COP1: variants seen among roughly 807,000 people sequenced by gnomAD.
COP1 encodes COP1 E3 ubiquitin ligase, also known as E3 ubiquitin-protein ligase COP1.
Under a neutral mutation model 101.3 loss-of-function variants are expected in COP1, and 24 were observed. The ratio of observed to expected loss-of-function variants is 0.24; its 90% CI spans 0.17 to 0.33. The LOEUF is 0.33. Among genes scored for constraint, COP1 ranks in the 10% least tolerant of loss-of-function variants. The pLI, the probability that COP1 is intolerant of heterozygous loss-of-function variation, is 1.00. For missense variants in COP1, 663 were observed against 906.2 expected (o/e 0.73, Z 3.45); for synonymous variants, 347 against 341.9 (o/e 1.01, Z -0.17).
chr1:175,991,405 T>C (rs1571446549), intron 15 of COP1, among the ~76,000 whole-genome samples: 1 of 152,308 alleles, frequency 6.6e-6, no homozygotes, highest in South Asian at 2.1e-4. Context: ...TACACACCCA[T>C]ACAGGGGACT....
rs551424608 is a variant in COP1, at chr1:176,187,001, C to T, written c.408-2309G>A. Among the ~76,000 whole-genome samples the T allele has an allele frequency of 3.9e-5, 6 of 152,238 alleles. No homozygotes were observed. The East Asian group carries it at 9.6e-4, about 24-fold the overall frequency. ...AAAAAGAAAAAGCAGGGGTACAGTA[C>T]GTGTCATGTCACATAATGTGTTCTA... is the stretch of plus-strand genomic sequence containing the variant. On this transcript the variant is annotated intron_variant, in intron 1 of 19. Coordinates refer to ENST00000367669, the MANE Select transcript of COP1 (RefSeq NM_022457.7).
intron 5 of COP1, among the ~76,000 whole-genome samples, chr1:176,157,942 C>G (rs1454911673): frequency 6.6e-6 from 1 of 151,900 alleles, no homozygotes; most frequent in African/African-American, 2.4e-5. Context: ...CTTCAACTAG[C>G]CTAAGAGATA....
intron 6 of COP1, among the ~76,000 whole-genome samples, chr1:176,142,199 G>A (rs1366192134): frequency 1.3e-5 from 2 of 151,804 alleles, no homozygotes; most frequent in Non-Finnish European, 2.9e-5. Context: ...GTAACAGAGA[G>A]AGCAACCACT....
At chr1:176,063,687 G>C (rs908696091) in intron 11 of COP1, among the ~76,000 whole-genome samples, 2 of 152,166 alleles carry the variant, frequency 1.3e-5, no homozygotes, top group Non-Finnish European at 2.9e-5. Context: ...GTATGATATA[G>C]CTAAGTTGCC....
At chr1:176,027,481 CAA>C (rs1667878651) in intron 15 of COP1, 89 bp downstream of exon 15, 6 of 795,838 alleles carry the variant, frequency 7.5e-6, no homozygotes, top group Non-Finnish European at 1.3e-5. Context: ...TTTAAACCTA[CAA>C]AAGAGTTATT....
intron 18 of COP1, among the ~76,000 whole-genome samples, chr1:175,955,600 A>G (rs1650525650): frequency 1.3e-5 from 2 of 152,214 alleles, no homozygotes; most frequent in South Asian, 4.1e-4. Context: ...TACCTTAAAA[A>G]TAAGCCACTA....
At position 176,195,137 on chromosome 1, in the gene COP1, G is replaced by A. The variant is rs536486537; in HGVS notation, c.408-10445C>T. ...GAGAGAAAGAGGGAGAGGAGAGAAAGAGGGAGAGGGAGAAGAGAGGGAAAG... is the reference window on the plus strand; with the variant it reads ...GAGAGAAAGAGGGAGAGGAGAGAAAAAGGGAGAGGGAGAAGAGAGGGAAAG... On this transcript the variant is annotated intron_variant, in intron 1 of 19. Transcript: ENST00000367669. Among the ~76,000 whole-genome samples the A allele has an allele frequency of 1.0e-4, 15 of 147,168 alleles. No individual in the cohort carries two copies. The East Asian group carries it at 3.0e-3, about 30-fold the overall frequency.
At chr1:176,086,666 T>C (rs1034559096) in intron 9 of COP1, among the ~76,000 whole-genome samples, 2 of 152,090 alleles carry the variant, frequency 1.3e-5, no homozygotes, top group African/African-American at 4.8e-5. Context: ...ATCAATATTG[T>C]GAAAATGGCC....
At chr1:176,151,358 AAAG>A (rs1328377416) in intron 5 of COP1, among the ~76,000 whole-genome samples, 51 of 31,382 alleles carry the variant, frequency 1.6e-3, no homozygotes, top group Non-Finnish European at 3.1e-3. Context: ...AAAGAAAAAG[AAAG>A]AAAGAAAGAA....
In COP1 at chr1:176,153,782, G is replaced by A. The variant is rs142185557; in HGVS notation, c.763-4708C>T. Among the ~76,000 whole-genome samples the A allele has an allele frequency of 2.6e-3, 399 of 152,230 alleles. 3 individuals carry two copies. Among genetic ancestry groups the A allele is most frequent in the African/African-American group, 9.2e-3 (381 of 41,534 alleles). On this transcript the variant is annotated intron_variant, in intron 5 of 19. Coordinates refer to ENST00000367669, the MANE Select transcript of COP1 (RefSeq NM_022457.7). ...GTTCCTTCAATACCTAGTTTATTGA[G>A]AGTTTTTAATATGAAGGAGGGCTGA...
chr1:176,138,818 TTTGGG>T, intron 6 of COP1, among the ~76,000 whole-genome samples: 1 of 152,280 alleles, frequency 6.6e-6, no homozygotes, highest in South Asian at 2.1e-4. Context: ...CACTGAGGCC[TTTGGG>T]TTCATGGACA....
intron 15 of COP1, among the ~76,000 whole-genome samples, chr1:175,999,881 T>C (rs572172439): frequency 6.6e-6 from 1 of 152,268 alleles, no homozygotes; most frequent in African/African-American, 2.4e-5. Flanking sequence ...CTTTTACATA[T>C]ACCAGTTTGC....
intron 9 of COP1, among the ~76,000 whole-genome samples, chr1:176,105,296 G>C (rs964940991): frequency 1.3e-5 from 2 of 151,830 alleles, no homozygotes; most frequent in Non-Finnish European, 2.9e-5. Flanking sequence ...TGGAAAGTGG[G>C]GTGAAATACA....
rs1260395152 is a variant in COP1, at chr1:176,165,856, G to C, written c.566-1965C>G. 1.1e-4 allele frequency among the ~76,000 whole-genome samples: 17 copies of C among 152,248 alleles called. No homozygotes were observed. The East Asian group carries it at 3.3e-3, about 29-fold the overall frequency. On this transcript the variant is annotated intron_variant, in intron 3 of 19. Transcript: ENST00000367669. Reference sequence around the variant, plus strand: ...ACTGCAGATACCTTACACAAGAAAAGTGATTATAATCCAGATAAAGGAGAG... The same window carrying C: ...ACTGCAGATACCTTACACAAGAAAACTGATTATAATCCAGATAAAGGAGAG...
At chr1:175,998,063 T>TAAA (rs57110017) in intron 15 of COP1, among the ~76,000 whole-genome samples, 20 of 66,820 alleles carry the variant, frequency 3.0e-4, no homozygotes, top group African/African-American at 5.5e-4. Context: ...AGAGTATAAT[T>TAAA]AAAAAAAAAA....
chr1:176,055,960 T>C (rs1003554209), intron 11 of COP1, among the ~76,000 whole-genome samples: 7 of 152,184 alleles, frequency 4.6e-5, no homozygotes, highest in African/African-American at 1.7e-4. Context: ...TTGAGTAGGT[T>C]AATTCCTTTA....
intron 18 of COP1, among the ~76,000 whole-genome samples, chr1:175,963,188 G>C (rs1310058761): frequency 6.6e-6 from 1 of 151,962 alleles, no homozygotes; most frequent in East Asian, 1.9e-4. Flanking sequence ...ATACTCTCAT[G>C]GGATTATCTT....
At chr1:176,163,512 C>T (rs1283832340) in intron 4 of COP1, among the ~76,000 whole-genome samples, 1 of 152,180 alleles carries the variant, frequency 6.6e-6, no homozygotes, top group Non-Finnish European at 1.5e-5. Context: ...TGAGCCCAAC[C>T]TCAACAGTTT....
intron 11 of COP1, among the ~76,000 whole-genome samples, chr1:176,067,663 A>G (rs1040984588): frequency 2.1e-4 from 32 of 152,140 alleles, no homozygotes; most frequent in Admixed American, 2.1e-3. Context: ...GCTTGCACTC[A>G]TTCTCCAAGC....
Sources: allele counts gnomAD v4.1 joint callset (sites outside exome capture counted in the v4.1 genomes callset), GRCh38; gene constraint gnomAD v4.1.1; transcripts MANE v1.5; gene names NCBI Gene and HGNC (gene_info 2026-07-23, HGNC 2026-07-21).